The following SETDB2 variants were observed in gnomAD, a reference collection of about 807,000 sequenced individuals.
The protein encoded by SETDB2 is SET domain bifurcated histone lysine methyltransferase 2.
Under a neutral mutation model 82.5 loss-of-function variants are expected in SETDB2, and 56 were observed. That is an observed-to-expected ratio of 0.68 (90% CI 0.55 to 0.85). SETDB2 has a LOEUF of 0.85. SETDB2 is among the 40% of genes least tolerant of loss of function. The probability of loss-of-function intolerance (pLI) is 0.00; values close to 1 mark genes in which losing one functional copy is unlikely to be tolerated. For synonymous variants in SETDB2, 272 were observed against 284.9 expected (o/e 0.95, Z 0.46); for missense variants, 677 against 816.4 (o/e 0.83, Z 2.08).
chr13:49,464,462 C>T (rs1191171716), intron 4 of SETDB2, among the ~76,000 whole-genome samples: 2 of 152,144 alleles, frequency 1.3e-5, no homozygotes. Context: ...TTTAACCTCA[C>T]TTGTTACCAA....
chr13:49,472,293 T>C (rs1566166615), intron 5 of SETDB2, among the ~76,000 whole-genome samples: 1 of 152,152 alleles, frequency 6.6e-6, no homozygotes, highest in Admixed American at 6.5e-5. Context: ...TTAATGGTCA[T>C]AGAGGATAGA....
intron 5 of SETDB2, among the ~76,000 whole-genome samples, chr13:49,473,767 A>T (rs569281673): frequency 6.6e-6 from 1 of 152,294 alleles, no homozygotes; most frequent in Admixed American, 6.5e-5. Context: ...TGAGAACCTA[A>T]GGAATGTATT....
chr13:49,483,592 C>A (rs762553375), intron 10 of SETDB2, 29 bp downstream of exon 10: 1 of 736,254 alleles, frequency 1.4e-6, no homozygotes, highest in Non-Finnish European at 2.2e-6. Context: ...AGTTGGGACC[C>A]TTCTTTTCTT....
intron 12 of SETDB2, among the ~76,000 whole-genome samples, chr13:49,489,907 G>GC (rs530235148): frequency 0.11 from 3,222 of 30,490 alleles, 164 homozygotes; most frequent in African/African-American, 0.14. Context: ...TATTTCTCCC[G>GC]CCCCCCCCCC....
At chr13:49,456,994 G>A (rs1957894505) in intron 2 of SETDB2, among the ~76,000 whole-genome samples, 1 of 152,010 alleles carries the variant, frequency 6.6e-6, no homozygotes, top group Non-Finnish European at 1.5e-5. Flanking sequence ...TTAAAACCCA[G>A]AACAAATAAA....
At chr13:49,466,902 C>T (rs1370467673) in intron 4 of SETDB2, among the ~76,000 whole-genome samples, 1 of 151,190 alleles carries the variant, frequency 6.6e-6, no homozygotes, top group Non-Finnish European at 1.5e-5. Context: ...GTAATCTTCC[C>T]ACTTTATCCT....
chr13:49,446,874 G>GAT (rs780113946), intron 1 of SETDB2, among the ~76,000 whole-genome samples: 14 of 152,112 alleles, frequency 9.2e-5, no homozygotes, highest in African/African-American at 2.9e-4. Flanking sequence ...ATTTCTCTAG[G>GAT]ATATATACCT....
Position 49,488,277 on chromosome 13 carries a change from A to T in SETDB2, c.1577-13A>T. On this transcript the variant is annotated splice_polypyrimidine_tract_variant and intron_variant, in intron 11 of 13. Coordinates refer to ENST00000611815, the MANE Select transcript of SETDB2 (RefSeq NM_001160308.3). Reference sequence around the variant, plus strand: ...GTATATTTCCTGATGTTTCCTTCCAAAATGTCTATTAGAGGACTCAAGTTC... The same window carrying T: ...GTATATTTCCTGATGTTTCCTTCCATAATGTCTATTAGAGGACTCAAGTTC... 1 of 1,555,524 alleles carries T rather than the reference A, an allele frequency of 6.4e-7. No homozygotes were observed. The highest frequency in any genetic ancestry group is 1.4e-5 in the African/African-American group (1 of 72,286).
At chr13:49,451,360 T>C (rs1957782232) in intron 1 of SETDB2, among the ~76,000 whole-genome samples, 193 bp from the exon 2 acceptor site, 1 of 150,576 alleles carries the variant, frequency 6.6e-6, no homozygotes, top group South Asian at 2.1e-4. Context: ...CCTTCTCTAT[T>C]ATTTCTAATT....
At chr13:49,471,612 G>A (rs1044974191) in intron 5 of SETDB2, among the ~76,000 whole-genome samples, 2 of 151,470 alleles carry the variant, frequency 1.3e-5, no homozygotes, top group Non-Finnish European at 2.9e-5. Flanking sequence ...AATTTTTATG[G>A]CTTTTTACAT....
In SETDB2 at chr13:49,470,966, C is replaced by CTTTCTTTTTTTTTTTTTTTTTTTTTT. The variant is rs10695231; in HGVS notation, c.305+3009_305+3010insCTTTTTTTTTTTTTTTTTTTTTTTTT. 5.0e-5 allele frequency among the ~76,000 whole-genome samples: 4 copies of CTTTCTTTTTTTTTTTTTTTTTTTTTT among 80,486 alleles called. 1 individual carries two copies. Among genetic ancestry groups the CTTTCTTTTTTTTTTTTTTTTTTTTTT allele is most frequent in the African/African-American group, 1.8e-4 (3 of 16,938 alleles). The allele number at this position is 80,486 out of a possible 152,430, so 52.8% of individuals were successfully genotyped here. A position where few individuals can be genotyped will look rare whatever the true frequency, so the allele number is the denominator to read the frequency against. ...GTTTTTTTGTTTTCTTTCTTTCTTT[C>CTTTCTTTTTTTTTTTTTTTTTTTTTT]TTTTTTTTTTTTTTTTTTGAGACAG... is the stretch of plus-strand genomic sequence containing the variant. On this transcript the variant is annotated intron_variant, in intron 5 of 13. Transcript: ENST00000611815.
intron 5 of SETDB2, 46 bp downstream of exon 5, chr13:49,468,006 T>G: frequency 1.5e-6 from 2 of 1,373,858 alleles, no homozygotes; most frequent in Non-Finnish European, 9.9e-7. Context: ...CTCCTACAGA[T>G]TTCTTCTTTA....
rs556923138 is a variant in SETDB2, at chr13:49,480,682, A to C, written c.987-265A>C. On this transcript the variant is annotated intron_variant, in intron 7 of 13. Transcript: ENST00000611815. Reference sequence around the variant, plus strand: ...AACCTTTCAAGGTACTGACTCACTTAATCTTCACAAAGCAGCCCTATGAGG... The same window carrying C: ...AACCTTTCAAGGTACTGACTCACTTCATCTTCACAAAGCAGCCCTATGAGG... Among the ~76,000 whole-genome samples, 3 of 152,298 alleles carry C rather than the reference A, an allele frequency of 2.0e-5. No individual in the cohort carries two copies. The South Asian group carries it at 6.2e-4, about 32-fold the overall frequency.
intron 5 of SETDB2, among the ~76,000 whole-genome samples, chr13:49,469,791 C>T (rs1958190264): frequency 6.6e-6 from 1 of 152,108 alleles, no homozygotes; most frequent in Non-Finnish European, 1.5e-5. Context: ...AGTACCCTCT[C>T]TTTAACTGTC....
intron 12 of SETDB2, among the ~76,000 whole-genome samples, chr13:49,489,734 T>C (rs1958667786): frequency 6.7e-6 from 1 of 150,118 alleles, no homozygotes; most frequent in South Asian, 2.1e-4. Flanking sequence ...TAGCTGAGAT[T>C]ACAGGTGTGC....
chr13:49,451,285 CTT>C (rs1701175772), intron 1 of SETDB2, among the ~76,000 whole-genome samples: 1 of 150,778 alleles, frequency 6.6e-6, no homozygotes, highest in African/African-American at 2.4e-5. Flanking sequence ...TTATAAAAGA[CTT>C]ATAAAATGGA....
chr13:49,474,953 A>G (rs948165940), intron 5 of SETDB2, among the ~76,000 whole-genome samples: 3 of 152,262 alleles, frequency 2.0e-5, no homozygotes, highest in African/African-American at 7.2e-5. Context: ...GACCATTTCT[A>G]TCAATGGAGG....
chr13:49,468,606 A>G (rs1958163320), intron 5 of SETDB2, among the ~76,000 whole-genome samples: 1 of 114,284 alleles, frequency 8.8e-6, no homozygotes, highest in Non-Finnish European at 1.8e-5. Context: ...TTTAGAAAGA[A>G]ACTTCTTTGT....
chr13:49,470,264 T>C (rs1410543830), intron 5 of SETDB2, among the ~76,000 whole-genome samples: 2 of 152,228 alleles, frequency 1.3e-5, no homozygotes, highest in Non-Finnish European at 2.9e-5. Flanking sequence ...TTTTTGAGAT[T>C]ATACCTAACT....
Sources: allele counts gnomAD v4.1 joint callset (sites outside exome capture counted in the v4.1 genomes callset), GRCh38; gene constraint gnomAD v4.1.1; transcripts MANE v1.5; gene names NCBI Gene and HGNC (gene_info 2026-07-23, HGNC 2026-07-21).